CELF2: variants seen among roughly 807,000 people sequenced by gnomAD.
CELF2 encodes CUGBP Elav-like family member 2, also known as CUG triplet repeat RNA-binding protein 2.
A neutral mutation model predicts 62.6 loss-of-function variants in CELF2; 8 were observed. The ratio of observed to expected loss-of-function variants is 0.13; its 90% confidence interval spans 0.07 to 0.23. The LOEUF (loss-of-function observed/expected upper bound fraction) is 0.23. CELF2 is among the 10% of genes least tolerant of loss of function. The pLI is 1.00. For missense variants in CELF2, 333 were observed against 671.0 expected (o/e 0.50, Z 5.56); for synonymous variants, 258 against 250.0 (o/e 1.03, Z -0.30).
intron 1 of CELF2, among the ~76,000 whole-genome samples, chr10:11,114,900 A>G (rs1423567399): frequency 6.6e-6 from 1 of 152,226 alleles, no homozygotes; most frequent in African/African-American, 2.4e-5. Context: ...AAGGTCATCA[A>G]TTCAGTAGAT....
intron 1 of CELF2, among the ~76,000 whole-genome samples, chr10:11,097,772 G>C (rs2050310921): frequency 6.6e-6 from 1 of 152,208 alleles, no homozygotes; most frequent in Non-Finnish European, 1.5e-5. Context: ...TACTCAACCT[G>C]GTAGGGACAT....
chr10:10,988,602 A>G (rs994582118), intron 2 of CELF2, among the ~76,000 whole-genome samples: 12 of 152,092 alleles, frequency 7.9e-5, no homozygotes, highest in African/African-American at 2.7e-4. Flanking sequence ...AAATCTCAGA[A>G]ATCATCACTA....
intron 8 of CELF2, among the ~76,000 whole-genome samples, chr10:11,283,972 T>C (rs2090061905): frequency 1.5e-5 from 2 of 129,254 alleles, no homozygotes; most frequent in East Asian, 2.5e-4. Flanking sequence ...GGTGGGTGGA[T>C]GACGGATGAG....
At chr10:11,234,465 G>A (rs1589538891) in intron 3 of CELF2, among the ~76,000 whole-genome samples, 1 of 152,156 alleles carries the variant, frequency 6.6e-6, no homozygotes, top group Admixed American at 6.5e-5. Context: ...GGTGGATCAC[G>A]AGGTCAGGAG....
At chr10:11,104,950 A>G (rs2052976180) in intron 1 of CELF2, among the ~76,000 whole-genome samples, 1 of 152,186 alleles carries the variant, frequency 6.6e-6, no homozygotes, top group Non-Finnish European at 1.5e-5. Context: ...GCTGCCAATT[A>G]CAGTTGTGTA....
rs1458701635 is a variant in CELF2, at chr10:11,280,957, C to G, written c.841+5837C>G. Among the ~76,000 whole-genome samples the G allele has an allele frequency of 6.6e-6, 1 of 151,386 alleles. No individual in the cohort carries two copies. Among genetic ancestry groups the G allele is most frequent in the African/African-American group, 2.4e-5 (1 of 40,948 alleles). On this transcript the variant is annotated intron_variant, in intron 8 of 12. Coordinates refer to ENST00000633077, the MANE Select transcript of CELF2 (RefSeq NM_001326342.2). The surrounding 1 kb of genome is among the most constrained non-coding windows in gnomAD (Gnocchi z 7.6). ...GGAGCTCGGGCTCGCCTGGCTGCTTCTGATGCTGGCGTGCGTGTGCATGCC... is the reference window on the plus strand; with the variant it reads ...GGAGCTCGGGCTCGCCTGGCTGCTTGTGATGCTGGCGTGCGTGTGCATGCC...
At chr10:10,529,609 G>A in the CELF2 span, among the ~76,000 whole-genome samples, 4 of 146,682 alleles carry the variant, frequency 2.7e-5, no homozygotes, top group East Asian at 6.1e-4. Context: ...ACTTGAACTC[G>A]GAAGGCGGAG....
At chr10:11,200,835 C>T (rs1481650044) in intron 2 of CELF2, among the ~76,000 whole-genome samples, 2 of 152,244 alleles carry the variant, frequency 1.3e-5, no homozygotes, top group African/African-American at 2.4e-5. Context: ...ACTTCTGTGT[C>T]ATTGTGGGCT....
intron 1 of CELF2, among the ~76,000 whole-genome samples, chr10:11,137,151 A>G (rs1232932660): frequency 6.6e-6 from 1 of 152,240 alleles, no homozygotes; most frequent in Non-Finnish European, 1.5e-5. Context: ...TGATATCAGA[A>G]TAAAGTAAGG....
At chr10:11,058,763 C>A (rs975613418) in intron 1 of CELF2, among the ~76,000 whole-genome samples, 2 of 151,102 alleles carry the variant, frequency 1.3e-5, no homozygotes, top group African/African-American at 2.4e-5. Flanking sequence ...CCACCGCGCC[C>A]GGGCTTTTTT....
the CELF2 span, among the ~76,000 whole-genome samples, chr10:10,655,199 A>T: frequency 6.8e-6 from 1 of 146,120 alleles, no homozygotes; most frequent in Non-Finnish European, 1.5e-5. Flanking sequence ...ACTACAAACC[A>T]CTGCTCAATG....
chr10:10,797,091 G>A (rs574956923), upstream of CELF2, among the ~76,000 whole-genome samples: 1 of 152,264 alleles, frequency 6.6e-6, no homozygotes, highest in Admixed American at 6.5e-5. Context: ...TACAATGCTG[G>A]GATAGGCGTT....
the CELF2 span, among the ~76,000 whole-genome samples, chr10:10,736,396 C>CTTTCTTTCTTTCTTTCTTTTTT: frequency 6.6e-5 from 5 of 75,992 alleles, no homozygotes; most frequent in African/African-American, 2.5e-4. Context: ...TTCTTTCTTT[C>CTTTCTTTCTTTCTTTCTTTTTT]TTTTTTTTTT....
Position 11,319,096 on chromosome 10 carries a change from G to C in CELF2, c.1097-2093G>C, listed in dbSNP as rs1163078153. 4.3e-6 allele frequency: 2 copies of C among 470,122 alleles called. No individual in the cohort carries two copies. The highest frequency in any genetic ancestry group is 2.3e-5 in the Admixed American group (1 of 42,586). 29.1% of individuals were successfully genotyped at this position (470,122 alleles called of 1,614,324 possible). A position where few individuals can be genotyped will look rare whatever the true frequency, so the allele number is the denominator to read the frequency against. On this transcript the variant is annotated intron_variant, in intron 10 of 12. Coordinates refer to ENST00000633077, the MANE Select transcript of CELF2 (RefSeq NM_001326342.2). This position sits in a 1 kb window ranked among gnomAD's most constrained non-coding sequence, Gnocchi z 4.4. Reference sequence around the variant, plus strand: ...AACCTCATGCCTTGAGATCCAAGCAGAGCGGCGAGTCGCCGCTCCTCTCCC... The same window carrying C: ...AACCTCATGCCTTGAGATCCAAGCACAGCGGCGAGTCGCCGCTCCTCTCCC...
intron 1 of CELF2, among the ~76,000 whole-genome samples, chr10:11,027,409 G>C (rs2059395749): frequency 6.6e-6 from 1 of 152,042 alleles, no homozygotes; most frequent in Non-Finnish European, 1.5e-5. Context: ...TTTACTTCTG[G>C]TGTCTTAGAG....
At chr10:11,152,983 G>C (rs1166017838) in intron 1 of CELF2, among the ~76,000 whole-genome samples, 2 of 152,340 alleles carry the variant, frequency 1.3e-5, no homozygotes, top group African/African-American at 4.8e-5. Flanking sequence ...GTCAGACTTA[G>C]CAAGTGGAGC....
At chr10:10,721,081 T>G in the CELF2 span, among the ~76,000 whole-genome samples, 1 of 152,266 alleles carries the variant, frequency 6.6e-6, no homozygotes, top group Non-Finnish European at 1.5e-5. Context: ...AGATTGCAAC[T>G]TCTGCTCAGA....
chr10:10,845,590 AAAAC>A (rs2058962482), intron 1 of CELF2, among the ~76,000 whole-genome samples: 1 of 152,240 alleles, frequency 6.6e-6, no homozygotes. Context: ...AGCAGAAGAT[AAAAC>A]TCAGTATTAT....
At chr10:10,925,787 A>G (rs1354467980) in intron 2 of CELF2, among the ~76,000 whole-genome samples, 3 of 152,040 alleles carry the variant, frequency 2.0e-5, no homozygotes, top group Non-Finnish European at 4.4e-5. Context: ...TGCTTGACTC[A>G]AAATATGAAA....
Sources: allele counts gnomAD v4.1 joint callset (sites outside exome capture counted in the v4.1 genomes callset), GRCh38; gene constraint gnomAD v4.1.1; non-coding constraint Gnocchi (gnomAD v3.1); transcripts MANE v1.5; gene names NCBI Gene and HGNC (gene_info 2026-07-23, HGNC 2026-07-21).